The following BACH2 variants were observed in gnomAD, a reference collection of about 807,000 sequenced individuals.
BACH2 encodes the protein transcription regulator protein BACH2.
A neutral mutation model predicts 61.8 loss-of-function variants in BACH2; 5 were observed. The observed-to-expected ratio is 0.08, with a 90% CI of 0.04 to 0.17. The LOEUF is 0.17. BACH2 is among the 10% of genes least tolerant of loss of function. The pLI is 1.00. For missense variants in BACH2, 824 were observed against 1,091.1 expected (o/e 0.76, Z 3.45); for synonymous variants, 446 against 440.1 (o/e 1.01, Z -0.17).
intron 3 of BACH2, among the ~76,000 whole-genome samples, chr6:90,225,105 T>C (rs1268423617): frequency 2.0e-5 from 3 of 149,888 alleles, no homozygotes; most frequent in Non-Finnish European, 4.4e-5. Context: ...ACAAACAAGG[T>C]TGGGCATGCT....
At chr6:90,248,267 G>A (rs1056875017) in intron 3 of BACH2, among the ~76,000 whole-genome samples, 12 of 151,970 alleles carry the variant, frequency 7.9e-5, no homozygotes, top group Middle Eastern at 3.4e-3. Context: ...TGACAGAATT[G>A]CACATTCTTA....
At chr6:90,262,583 G>A (rs1043668663) in intron 2 of BACH2, among the ~76,000 whole-genome samples, 14 of 152,114 alleles carry the variant, frequency 9.2e-5, no homozygotes, top group African/African-American at 3.4e-4. Context: ...CCCAATCTCC[G>A]AAGTTTGGCC....
chr6:90,267,095 G>A (rs1771359749), intron 2 of BACH2, among the ~76,000 whole-genome samples: 1 of 151,812 alleles, frequency 6.6e-6, no homozygotes, highest in Non-Finnish European at 1.5e-5. Context: ...AAGAAAATCA[G>A]AACTAAGACA....
At chr6:90,129,396 C>T (rs1316544584) in intron 4 of BACH2, among the ~76,000 whole-genome samples, 5 of 152,100 alleles carry the variant, frequency 3.3e-5, no homozygotes, top group South Asian at 2.1e-4. Flanking sequence ...CAGGTGTACA[C>T]GTGCCATGGC....
At chr6:90,169,987 T>G (rs1767757313) in intron 4 of BACH2, among the ~76,000 whole-genome samples, 1 of 152,242 alleles carries the variant, frequency 6.6e-6, no homozygotes, top group African/African-American at 2.4e-5. Context: ...TTACAAGTTT[T>G]GGCATCGTAT....
At chr6:90,171,827 G>A (rs909066884) in intron 4 of BACH2, among the ~76,000 whole-genome samples, 2 of 151,990 alleles carry the variant, frequency 1.3e-5, no homozygotes, top group African/African-American at 4.8e-5. Flanking sequence ...AAATGACTAG[G>A]CAGATTTAAG....
At chr6:89,934,680 C>T (rs959793710) in intron 8 of BACH2, among the ~76,000 whole-genome samples, 14 of 151,638 alleles carry the variant, frequency 9.2e-5, no homozygotes, top group African/African-American at 2.4e-4. Context: ...AAAAAAATTG[C>T]GTGAGGGTGA....
chr6:90,227,348 C>T (rs1769950296), intron 3 of BACH2, among the ~76,000 whole-genome samples: 1 of 152,170 alleles, frequency 6.6e-6, no homozygotes, highest in African/African-American at 2.4e-5. Flanking sequence ...TGTGCACAAG[C>T]CTGCACTCCT....
intron 3 of BACH2, among the ~76,000 whole-genome samples, chr6:90,216,298 G>A (rs964607951): frequency 7.2e-5 from 11 of 152,214 alleles, no homozygotes; most frequent in South Asian, 2.1e-4. Context: ...GACCACAGCC[G>A]CTGGAATGGG....
intron 7 of BACH2, among the ~76,000 whole-genome samples, chr6:89,944,021 C>T (rs748547931): frequency 2.0e-5 from 3 of 152,228 alleles, no homozygotes; most frequent in Non-Finnish European, 4.4e-5. Flanking sequence ...ATGGCAATGA[C>T]AAAATCTCCC....
At chr6:90,280,066 A>G (rs1332285443) in intron 1 of BACH2, among the ~76,000 whole-genome samples, 1 of 152,134 alleles carries the variant, frequency 6.6e-6, no homozygotes, top group Non-Finnish European at 1.5e-5. Flanking sequence ...GAGAATCATT[A>G]TAAAATACTC....
intron 5 of BACH2, among the ~76,000 whole-genome samples, chr6:90,066,769 C>G (rs1020177611): frequency 1.5e-4 from 23 of 152,160 alleles, no homozygotes; most frequent in Admixed American, 1.3e-4. Flanking sequence ...AGGTCAAGGC[C>G]ACCACTATAC....
At chr6:90,046,245 C>A (rs1582259923) in intron 5 of BACH2, among the ~76,000 whole-genome samples, 2 of 152,162 alleles carry the variant, frequency 1.3e-5, no homozygotes, top group East Asian at 3.8e-4. Context: ...AAGATTCAGT[C>A]ATTTAAGCAT....
At chr6:90,177,187 T>C (rs889595173) in intron 4 of BACH2, among the ~76,000 whole-genome samples, 1 of 152,192 alleles carries the variant, frequency 6.6e-6, no homozygotes, top group African/African-American at 2.4e-5. Flanking sequence ...CTGCTCGCTT[T>C]ATGGACCACC....
At chr6:90,039,943 G>A (rs987243003) in intron 5 of BACH2, among the ~76,000 whole-genome samples, 6 of 150,040 alleles carry the variant, frequency 4.0e-5, no homozygotes, top group African/African-American at 9.8e-5. Flanking sequence ...GTCTTTTTCT[G>A]CCTTGGAGAA....
At position 90,062,856 on chromosome 6, in the gene BACH2, G is replaced by A. The variant is rs544174472; in HGVS notation, c.-13+26105C>T. The A allele has an allele frequency of 1.8e-5, 17 of 924,412 alleles. No homozygotes were observed. The African/African-American group carries it at 2.0e-4, about 11-fold the overall frequency. The allele number at this position is 924,412 out of a possible 1,614,324, so 57.3% of individuals were successfully genotyped here. A position where few individuals can be genotyped will look rare whatever the true frequency, so the allele number is the denominator to read the frequency against. ...GAGAGCAGTGTGGGTATTTCAACAC[G>A]TCTCCTTTAGACAGATGAAAGGCTG... On this transcript the variant is annotated intron_variant, in intron 5 of 8. Coordinates refer to ENST00000257749, the MANE Select transcript of BACH2 (RefSeq NM_021813.4).
intron 7 of BACH2, among the ~76,000 whole-genome samples, chr6:89,948,372 AT>A (rs1476111793): frequency 6.6e-6 from 1 of 151,728 alleles, no homozygotes; most frequent in Non-Finnish European, 1.5e-5. Flanking sequence ...ACGCCTGGCT[AT>A]TTTTTTATAT....
chr6:89,973,211 G>A (rs1461816065), intron 6 of BACH2, among the ~76,000 whole-genome samples: 2 of 152,110 alleles, frequency 1.3e-5, no homozygotes, highest in African/African-American at 4.8e-5. Context: ...GGACCAGCCT[G>A]GGCAACACTG....
At position 90,296,793 on chromosome 6, in the gene BACH2, C is replaced by CGCTGCTGCCGCT. The variant is rs1772416786; in HGVS notation, c.-760_-759insAGCGGCAGCAGC. The CGCTGCTGCCGCT allele has an allele frequency of 5.8e-6, 1 of 172,076 alleles. No individual in the cohort carries two copies. The highest frequency in any genetic ancestry group is 1.7e-4 in the East Asian group (1 of 5,788). 10.7% of individuals were successfully genotyped at this position (172,076 alleles called of 1,614,324 possible). On this transcript the variant is annotated 5_prime_UTR_variant, in exon 1 of 9. Coordinates refer to ENST00000257749, the MANE Select transcript of BACH2 (RefSeq NM_021813.4). ...CCCGGGCGTGCACGGCCGCTGCTGC[C>CGCTGCTGCCGCT]GCTGCTGCTGCTGCTGCTGCTGCTG...
Sources: gnomAD v4.1 joint callset for allele counts (sites outside exome capture counted in the v4.1 genomes callset) on GRCh38, gnomAD v4.1.1 for gene constraint, MANE v1.5 for transcripts, NCBI Gene and HGNC (gene_info 2026-07-23, HGNC 2026-07-21) for gene names.